Variants in RIGI observed in about 807,000 individuals in gnomAD.
The protein encoded by RIGI is antiviral innate immune response receptor RIG-I.
the RIGI span, among the ~76,000 whole-genome samples, chr9:32,520,666 C>T: frequency 6.6e-6 from 1 of 152,146 alleles, no homozygotes; most frequent in African/African-American, 2.4e-5. Flanking sequence ...AAAATTAGTT[C>T]AGGGTTTTTC....
the RIGI span, chr9:32,472,939 A>T: frequency 6.8e-7 from 1 of 1,463,760 alleles, no homozygotes; most frequent in Non-Finnish European, 9.4e-7. Flanking sequence ...TCTTAAATGC[A>T]TAATCCACTA....
the RIGI span, among the ~76,000 whole-genome samples, chr9:32,497,790 C>T: frequency 0.06 from 9,075 of 152,092 alleles, 684 homozygotes; most frequent in African/African-American, 0.17. Context: ...ATAAATAATT[C>T]TGCCATCTGC....
At chr9:32,515,313 G>C in the RIGI span, among the ~76,000 whole-genome samples, 6 of 79,328 alleles carry the variant, frequency 7.6e-5, no homozygotes, top group East Asian at 1.4e-3. Context: ...GCAGGACTCT[G>C]TCTCAAAAAA....
the RIGI span, among the ~76,000 whole-genome samples, chr9:32,469,459 C>T: frequency 1.3e-5 from 2 of 152,126 alleles, no homozygotes; most frequent in African/African-American, 4.8e-5. Flanking sequence ...AATGGAGAAG[C>T]AGAGACAGCA....
the RIGI span, among the ~76,000 whole-genome samples, chr9:32,517,935 T>C: frequency 6.6e-6 from 1 of 152,216 alleles, no homozygotes; most frequent in Non-Finnish European, 1.5e-5. Context: ...CATTGGATGT[T>C]TGAGTCATTT....
At chr9:32,494,094 A>C in the RIGI span, 1 of 641,830 alleles carries the variant, frequency 1.6e-6, no homozygotes, top group Non-Finnish European at 2.5e-6. Flanking sequence ...TTTCAAAAAG[A>C]AAACAGTATT....
the RIGI span, among the ~76,000 whole-genome samples, chr9:32,491,975 T>G: frequency 2.6e-5 from 4 of 152,180 alleles, no homozygotes; most frequent in African/African-American, 9.7e-5. Flanking sequence ...CCCGTCGGAT[T>G]CAGTTCCAGA....
chr9:32,481,265 G>GTT, the RIGI span: 17 of 1,441,992 alleles, frequency 1.2e-5, 1 homozygote, highest in South Asian at 2.3e-4. Flanking sequence ...AGAAGTTGAT[G>GTT]TTATCTTGGC....
At chr9:32,520,922 G>A in the RIGI span, among the ~76,000 whole-genome samples, 1 of 151,268 alleles carries the variant, frequency 6.6e-6, no homozygotes, top group South Asian at 2.1e-4. Context: ...GAGGCAGGCG[G>A]ATCAGCTGAG....
chr9:32,489,415 G>C, the RIGI span: 29 of 1,613,022 alleles, frequency 1.8e-5, no homozygotes, highest in Middle Eastern at 1.6e-4. Flanking sequence ...GTAATTTCTT[G>C]GTTTAAATGG....
chr9:32,478,428 T>C, the RIGI span, among the ~76,000 whole-genome samples: 3 of 152,216 alleles, frequency 2.0e-5, no homozygotes, highest in African/African-American at 7.2e-5. Context: ...GTAGAAATAC[T>C]ATAGAATGAT....
chr9:32,477,276 A>G, the RIGI span: 3 of 893,252 alleles, frequency 3.4e-6, no homozygotes, highest in Non-Finnish European at 4.9e-6. Flanking sequence ...AAATTGGTAC[A>G]ACCTTTTAAG....
At chr9:32,468,967 C>T in the RIGI span, among the ~76,000 whole-genome samples, 1 of 152,192 alleles carries the variant, frequency 6.6e-6, no homozygotes, top group African/African-American at 2.4e-5. Flanking sequence ...TCACTAATGG[C>T]ATGTAGACAG....
At chr9:32,468,132 C>T in the RIGI span, among the ~76,000 whole-genome samples, 7 of 152,230 alleles carry the variant, frequency 4.6e-5, no homozygotes. Context: ...TGGCATCTAA[C>T]ACTCAGACTC....
the RIGI span, chr9:32,498,216 ACCTTCT>A: frequency 4.4e-6 from 2 of 452,948 alleles, no homozygotes; most frequent in Non-Finnish European, 8.9e-6. Flanking sequence ...CCTCTGCTTC[ACCTTCT>A]GACATCAGAG....
the RIGI span, among the ~76,000 whole-genome samples, chr9:32,523,222 C>A: frequency 4.8e-3 from 727 of 152,284 alleles, 2 homozygotes; most frequent in African/African-American, 0.013. Flanking sequence ...GCTTTATGTG[C>A]AGCCAGCAAA....
chr9:32,478,361 T>A, the RIGI span, among the ~76,000 whole-genome samples: 1 of 151,882 alleles, frequency 6.6e-6, no homozygotes, highest in African/African-American at 2.4e-5. Context: ...TAAATTTTAT[T>A]ACTTTTTACA....
At chr9:32,477,006 CAA>C in the RIGI span, 1 of 1,613,722 alleles carries the variant, frequency 6.2e-7, no homozygotes, top group Non-Finnish European at 8.5e-7. Context: ...CTGGTTTTCA[CAA>C]AGAGAATTGT....
At chr9:32,472,903 A>T in the RIGI span, 2 of 890,044 alleles carry the variant, frequency 2.2e-6, no homozygotes, top group Non-Finnish European at 1.7e-6. Flanking sequence ...ATACACACAC[A>T]CATATACATA....
Sources: allele counts gnomAD v4.1 joint callset (sites outside exome capture counted in the v4.1 genomes callset), GRCh38; gene constraint gnomAD v4.1.1; transcripts MANE v1.5; gene names NCBI Gene and HGNC (gene_info 2026-07-23, HGNC 2026-07-21).